The following ELAVL2 variants were observed in gnomAD, a reference collection of about 807,000 sequenced individuals.
The protein encoded by ELAVL2 is ELAV like RNA binding protein 2, also known as ELAV-like protein 2.
A neutral mutation model predicts 34.6 loss-of-function variants in ELAVL2; 4 were observed. The observed-to-expected ratio is 0.12, with a 90% CI of 0.06 to 0.26. ELAVL2 has a LOEUF of 0.26. ELAVL2 is among the 10% of genes least tolerant of loss of function. ELAVL2 has a pLI of 1.00. For synonymous variants in ELAVL2, 193 were observed against 154.8 expected (o/e 1.25, Z -1.83); for missense variants, 432 against 442.8 (o/e 0.98, Z 0.22).
intron 3 of ELAVL2, among the ~76,000 whole-genome samples, chr9:23,720,825 T>C (rs2043500340): frequency 6.6e-6 from 1 of 152,210 alleles, no homozygotes; most frequent in South Asian, 2.1e-4. Context: ...CAGGCCACCA[T>C]CTGCTTAAGA....
chr9:23,850,484 T>C, the ELAVL2 span, among the ~76,000 whole-genome samples: 1 of 152,066 alleles, frequency 6.6e-6, no homozygotes, highest in Non-Finnish European at 1.5e-5. Flanking sequence ...TGCCGTCTCG[T>C]TCCTGCCTCT....
chr9:23,819,784 T>G (rs2064270464), intron 1 of ELAVL2, among the ~76,000 whole-genome samples: 1 of 152,114 alleles, frequency 6.6e-6, no homozygotes, highest in African/African-American at 2.4e-5. Context: ...CACAGAAAAT[T>G]TAATGTAACA....
intron 5 of ELAVL2, among the ~76,000 whole-genome samples, chr9:23,695,579 G>A (rs910709682): frequency 1.3e-5 from 2 of 152,152 alleles, no homozygotes; most frequent in African/African-American, 4.8e-5. Context: ...ATCATAGAAT[G>A]CACTTATACA....
At position 23,699,090 on chromosome 9, in the gene ELAVL2, T is replaced by C. The variant is rs558566497; in HGVS notation, c.713+2289A>G. 2.6e-5 allele frequency among the ~76,000 whole-genome samples: 4 copies of C among 152,336 alleles called. No individual in the cohort carries two copies. The South Asian group carries it at 6.2e-4, about 24-fold the overall frequency. On this transcript the variant is annotated intron_variant, in intron 5 of 6. Coordinates refer to ENST00000397312, the MANE Select transcript of ELAVL2 (RefSeq NM_004432.5). ...TATAGGAGTGAAGGAAAAAGAATTTTCAAGTTAATGATAACATATGGTACT... is the reference window on the plus strand; with the variant it reads ...TATAGGAGTGAAGGAAAAAGAATTTCCAAGTTAATGATAACATATGGTACT...
chr9:23,805,252 A>G (rs900943550), intron 1 of ELAVL2, among the ~76,000 whole-genome samples: 3 of 152,238 alleles, frequency 2.0e-5, no homozygotes, highest in Non-Finnish European at 4.4e-5. Flanking sequence ...CTAAATGGCT[A>G]TAACAAGTAA....
chr9:23,700,463 A>T (rs966699799), intron 5 of ELAVL2, among the ~76,000 whole-genome samples: 2 of 152,184 alleles, frequency 1.3e-5, no homozygotes, highest in Non-Finnish European at 2.9e-5. Context: ...TAGCATATGT[A>T]CACCTGTCAG....
chr9:23,702,958 A>AAAAAAAAAAAAT, intron 4 of ELAVL2, among the ~76,000 whole-genome samples: 1 of 79,192 alleles, frequency 1.3e-5, no homozygotes, highest in Non-Finnish European at 2.3e-5. Flanking sequence ...TAGCAAAAAA[A>AAAAAAAAAAAAT]AAAAAAAAAA....
chr9:23,838,831 A>G, the ELAVL2 span, among the ~76,000 whole-genome samples: 2 of 152,156 alleles, frequency 1.3e-5, no homozygotes, highest in Non-Finnish European at 2.9e-5. Flanking sequence ...TAATACAGTA[A>G]ATAATTATAA....
chr9:23,767,215 A>G (rs770378529), intron 1 of ELAVL2, among the ~76,000 whole-genome samples: 3 of 152,168 alleles, frequency 2.0e-5, no homozygotes, highest in Non-Finnish European at 4.4e-5. Context: ...AAGACTTCTA[A>G]ACTTTTTATT....
At chr9:23,776,427 G>T (rs1418780162) in intron 1 of ELAVL2, among the ~76,000 whole-genome samples, 1 of 152,118 alleles carries the variant, frequency 6.6e-6, no homozygotes, top group East Asian at 1.9e-4. Context: ...GAGGAAACCT[G>T]AAGTTTATAC....
intron 1 of ELAVL2, among the ~76,000 whole-genome samples, chr9:23,763,674 G>A (rs1024428180): frequency 1.3e-5 from 2 of 152,096 alleles, no homozygotes; most frequent in African/African-American, 4.8e-5. Flanking sequence ...TAAACATATA[G>A]GAAGAAATCT....
chr9:23,741,478 C>G (rs923386398), intron 2 of ELAVL2, among the ~76,000 whole-genome samples: 1 of 152,082 alleles, frequency 6.6e-6, no homozygotes, highest in African/African-American at 2.4e-5. Flanking sequence ...TAGAAATCAC[C>G]CACATTCTTT....
intron 1 of ELAVL2, among the ~76,000 whole-genome samples, chr9:23,820,057 C>T (rs140092533): frequency 1.9e-3 from 285 of 152,090 alleles, no homozygotes; most frequent in Non-Finnish European, 3.0e-3. Context: ...AAGGTAGATG[C>T]AGGACAGCTT....
chr9:23,701,626 A>G, intron 4 of ELAVL2, 22 bp from the exon 5 acceptor site: 1 of 1,609,396 alleles, frequency 6.2e-7, no homozygotes, highest in Non-Finnish European at 8.5e-7. Context: ...TTGAGTAAAG[A>G]TTTGGAAAAG....
intron 1 of ELAVL2, among the ~76,000 whole-genome samples, chr9:23,806,076 C>G (rs2062182966): frequency 6.6e-6 from 1 of 151,974 alleles, no homozygotes; most frequent in Non-Finnish European, 1.5e-5. Context: ...TTAATAAAGT[C>G]ATCTTAAAAT....
At chr9:23,727,533 G>A (rs1341367172) in intron 3 of ELAVL2, among the ~76,000 whole-genome samples, 3 of 151,996 alleles carry the variant, frequency 2.0e-5, no homozygotes, top group Non-Finnish European at 4.4e-5. Flanking sequence ...ATAGAGAACC[G>A]CCAAACATCT....
At chr9:23,791,029 T>C (rs1426098362) in intron 1 of ELAVL2, among the ~76,000 whole-genome samples, 1 of 152,236 alleles carries the variant, frequency 6.6e-6, no homozygotes, top group African/African-American at 2.4e-5. Flanking sequence ...TAAATATATG[T>C]TCTGTTTAAG....
chr9:23,693,380 C>G, intron 6 of ELAVL2, 68 bp downstream of exon 6: 1 of 1,592,194 alleles, frequency 6.3e-7, no homozygotes, highest in Non-Finnish European at 8.6e-7. Context: ...GTGAATAGCA[C>G]TCCCAAAATC....
intron 4 of ELAVL2, among the ~76,000 whole-genome samples, chr9:23,704,151 T>TTTTTTTTTTTTTTTTTTTTTTTTGAGACG (rs1473637219): frequency 3.2e-4 from 48 of 151,810 alleles, no homozygotes; most frequent in Non-Finnish European, 5.2e-4. Flanking sequence ...ACGCTGGTCT[T>TTTTTTTTTTTTTTTTTTTTTTTTGAGACG]GAACTCCCAG....
Sources: allele counts gnomAD v4.1 joint callset (sites outside exome capture counted in the v4.1 genomes callset), GRCh38; gene constraint gnomAD v4.1.1; transcripts MANE v1.5; gene names NCBI Gene and HGNC (gene_info 2026-07-23, HGNC 2026-07-21).